The following SRSF11 variants were observed in gnomAD, a reference collection of about 807,000 sequenced individuals.
SRSF11 encodes the protein serine and arginine rich splicing factor 11.
In SRSF11, 9 loss-of-function variants were observed where a neutral mutation model predicts 56.0. The observed-to-expected ratio is 0.16, with a 90% CI of 0.10 to 0.28. The LOEUF (loss-of-function observed/expected upper bound fraction) is 0.28, where lower values mean the gene tolerates loss of function less well. Ranked by LOEUF, SRSF11 falls within the 10% of genes least tolerant of loss-of-function variation. SRSF11 has a pLI of 1.00. For synonymous variants in SRSF11, 222 were observed against 215.3 expected (o/e 1.03, Z -0.27); for missense variants, 421 against 600.7 (o/e 0.70, Z 3.13).
intron 1 of SRSF11, among the ~76,000 whole-genome samples, chr1:70,210,778 C>T (rs1417978453): frequency 1.1e-4 from 16 of 151,970 alleles, no homozygotes; most frequent in African/African-American, 3.9e-4. Context: ...AATTTTAGTC[C>T]CCAGATTTAG....
In SRSF11 at chr1:70,250,428, A is replaced by G. The variant is rs1677741690; in HGVS notation, c.1182A>G (p.Ser394=). 6.3e-7 allele frequency: 1 copy of G among 1,594,622 alleles called. No homozygotes were observed. The highest frequency in any genetic ancestry group is 2.2e-5 in the East Asian group (1 of 44,710). ...KERSRDERER[S]TSKKKKSKDK... Reference sequence around the variant, plus strand: ...GAAGTAGGGATGAAAGAGAACGATCAACAAGCAAGAAGAAGAAGAGTAAAG... The same window carrying G: ...GAAGTAGGGATGAAAGAGAACGATCGACAAGCAAGAAGAAGAAGAGTAAAG... Residue 394 remains serine (S), a synonymous_variant, in exon 11 of 12, where the codon TCA becomes TCG. Coordinates refer to ENST00000370949, the MANE Select transcript of SRSF11 (RefSeq NM_001350605.2).
At chr1:70,222,681 TTGG>T (rs1273691555) in intron 1 of SRSF11, 2 of 152,212 alleles carry the variant, frequency 1.3e-5, no homozygotes, top group Admixed American at 6.5e-5. Flanking sequence ...GGAAGACTTA[TTGG>T]TGGAGAAGTG....
chr1:70,240,770 C>CTTTTTTT (rs72113966), intron 7 of SRSF11, among the ~76,000 whole-genome samples: 5 of 109,910 alleles, frequency 4.5e-5, no homozygotes, highest in East Asian at 3.0e-4. Context: ...CATCACTGGA[C>CTTTTTTT]TTTTTTTTTT....
At chr1:70,234,857 G>A (rs1177058779) in intron 4 of SRSF11, 69 bp downstream of exon 4, 28 of 1,321,322 alleles carry the variant, frequency 2.1e-5, no homozygotes, top group East Asian at 1.4e-4. Context: ...CTGTTGGTTT[G>A]CATTTCAAGA....
chr1:70,226,172 CAA>C (rs1022332353), intron 1 of SRSF11, among the ~76,000 whole-genome samples: 19 of 149,530 alleles, frequency 1.3e-4, no homozygotes, highest in African/African-American at 4.5e-4. Flanking sequence ...GCCTGAGCAA[CAA>C]GAGTGAAACT....
At chr1:70,224,929 C>T (rs550237965) in intron 1 of SRSF11, among the ~76,000 whole-genome samples, 7 of 152,226 alleles carry the variant, frequency 4.6e-5, no homozygotes, top group Admixed American at 1.3e-4. Context: ...TCCTTACAAA[C>T]CTGGAGGAAA....
At chr1:70,235,087 T>C (rs1248361059) in intron 4 of SRSF11, among the ~76,000 whole-genome samples, 1 of 152,230 alleles carries the variant, frequency 6.6e-6, no homozygotes, top group Non-Finnish European at 1.5e-5. Context: ...ATAATTTTTC[T>C]ATCATGGAAA....
At position 70,252,226 on chromosome 1, in the gene SRSF11, A is replaced by T. The variant is rs1011602438; in HGVS notation, c.*1421A>T. The T allele has an allele frequency of 2.6e-5, 4 of 152,074 alleles. No individual in the cohort carries two copies. Among genetic ancestry groups the T allele is most frequent in the Non-Finnish European group, 5.9e-5 (4 of 67,970 alleles). The allele number at this position is 152,074 out of a possible 1,614,324, so 9.4% of individuals were successfully genotyped here. The stretch of plus-strand genomic sequence containing the variant: ...TTAGCTTAGTATCATTTTATTGCTT[A>T]TTTTTTGTGTGGGAATGGGGTTGGA... On this transcript the variant is annotated 3_prime_UTR_variant, in exon 12 of 12. Coordinates refer to ENST00000370949, the MANE Select transcript of SRSF11 (RefSeq NM_001350605.2).
In SRSF11 at chr1:70,243,213, A is replaced by G. The variant is rs1196067127; in HGVS notation, c.801-1471A>G. On this transcript the variant is annotated intron_variant, in intron 7 of 11. Coordinates refer to ENST00000370949, the MANE Select transcript of SRSF11 (RefSeq NM_001350605.2). ...TATGCAGGGGATTGGTTACAAATCCATCTATACCAGAATCCATGCATACTC... is the reference window on the plus strand; with the variant it reads ...TATGCAGGGGATTGGTTACAAATCCGTCTATACCAGAATCCATGCATACTC... Among the ~76,000 whole-genome samples the G allele has an allele frequency of 2.6e-5, 4 of 151,812 alleles. No individual in the cohort carries two copies. The South Asian group carries it at 6.2e-4, about 24-fold the overall frequency.
chr1:70,234,359 G>A (rs1389969607), intron 3 of SRSF11, among the ~76,000 whole-genome samples: 1 of 152,186 alleles, frequency 6.6e-6, no homozygotes. Flanking sequence ...ATCAGCACAA[G>A]AATATGTTGA....
intron 2 of SRSF11, chr1:70,231,044 C>T: frequency 7.8e-7 from 1 of 1,289,114 alleles, no homozygotes; most frequent in South Asian, 1.2e-5. Context: ...TGGAAGGAAC[C>T]ATTACCTTTA....
chr1:70,235,034 T>G (rs1673643700), intron 4 of SRSF11, among the ~76,000 whole-genome samples: 1 of 152,240 alleles, frequency 6.6e-6, no homozygotes. Flanking sequence ...CAGTGTGTCA[T>G]AGAGTCAGAG....
intron 2 of SRSF11, chr1:70,230,377 A>C: frequency 9.3e-7 from 1 of 1,075,656 alleles, no homozygotes; most frequent in Non-Finnish European, 1.1e-6. Context: ...GCTCTTGGTC[A>C]GTGTTTTAGA....
chr1:70,229,208 A>G, intron 2 of SRSF11: 1 of 1,288,932 alleles, frequency 7.8e-7, no homozygotes, highest in Non-Finnish European at 1.0e-6. Context: ...TGATTTTTAT[A>G]GTGGAGAAGG....
At position 70,250,349 on chromosome 1, in the gene SRSF11, T is replaced by A. The variant is rs745381146; in HGVS notation, c.1119-16T>A. 3 of 1,609,074 alleles carry A rather than the reference T, an allele frequency of 1.9e-6. No homozygotes were observed. Among genetic ancestry groups the A allele is most frequent in the Non-Finnish European group, 1.7e-6 (2 of 1,178,478 alleles). ...ACAAGTTAAACCTGTTGCTGTACAT[T>A]TTACTGTCATTCTAGACATAAAAAG... On this transcript the variant is annotated splice_polypyrimidine_tract_variant and intron_variant, in intron 10 of 11. Transcript: ENST00000370949.
At chr1:70,214,427 G>T (rs1028145308) in intron 1 of SRSF11, among the ~76,000 whole-genome samples, 1 of 152,070 alleles carries the variant, frequency 6.6e-6, no homozygotes, top group African/African-American at 2.4e-5. Flanking sequence ...CTGTGTATAC[G>T]ATGCAAGCAC....
intron 2 of SRSF11, chr1:70,231,215 G>C: frequency 8.1e-7 from 1 of 1,239,790 alleles, no homozygotes; most frequent in Non-Finnish European, 1.0e-6. Flanking sequence ...TATGTTTTAT[G>C]ATGAGATGCA....
chr1:70,229,658 G>T, intron 2 of SRSF11: 1 of 984,924 alleles, frequency 1.0e-6, no homozygotes, highest in African/African-American at 1.7e-5. Context: ...CAGTGGAAGT[G>T]GAATCTTAAT....
At chr1:70,247,811 T>C (rs1045926338) in intron 9 of SRSF11, among the ~76,000 whole-genome samples, 1 of 152,092 alleles carries the variant, frequency 6.6e-6, no homozygotes, top group South Asian at 2.1e-4. Context: ...TAAGAACTCT[T>C]AGAACTCAGC....
Sources: gnomAD v4.1 joint callset for allele counts (sites outside exome capture counted in the v4.1 genomes callset) on GRCh38, gnomAD v4.1.1 for gene constraint, MANE v1.5 for transcripts, NCBI Gene and HGNC (gene_info 2026-07-23, HGNC 2026-07-21) for gene names.